The following CCNJL variants were observed in gnomAD, a reference collection of about 807,000 sequenced individuals.
CCNJL encodes the protein cyclin-J-like protein.
CCNJL carries 33 observed loss-of-function variants against 33.4 expected under a neutral mutation model. That is an observed-to-expected ratio of 0.99 (90% CI 0.75 to 1.32). The LOEUF (loss-of-function observed/expected upper bound fraction) is 1.32. Ranked by LOEUF, CCNJL falls within the 40% of genes most tolerant of loss-of-function variation. CCNJL has a pLI of 0.00. For synonymous variants in CCNJL, 227 were observed against 220.9 expected, an observed-to-expected ratio of 1.03 and a Z score of -0.24; for missense variants, 512 against 499.7, an observed-to-expected ratio of 1.02 and a Z score of -0.23.
In CCNJL at chr5:160,277,744, G is replaced by GTTT. The variant is rs57967385; in HGVS notation, c.280+2778_280+2780dup. On this transcript the variant is annotated intron_variant, in intron 3 of 5. Coordinates refer to ENST00000257536, the MANE Select transcript of CCNJL (RefSeq NM_001308173.3). The stretch of plus-strand genomic sequence containing the variant: ...TCCCATCTCTGCTTCCTGTCTATCT[G>GTTT]TTTTTTTTTTTTTTTTTTGAGATGG... 7.3e-4 allele frequency among the ~76,000 whole-genome samples: 92 copies of GTTT among 125,210 alleles called. 3 individuals carry two copies. Among genetic ancestry groups the GTTT allele is most frequent in the African/African-American group, 2.5e-3 (82 of 32,746 alleles). The allele number at this position is 125,210 out of a possible 152,430, so 82.1% of individuals were successfully genotyped here. A position where few individuals can be genotyped will look rare whatever the true frequency, so the allele number is the denominator to read the frequency against.
intron 3 of CCNJL, among the ~76,000 whole-genome samples, chr5:160,269,965 G>T (rs1191580932): frequency 3.3e-5 from 5 of 152,320 alleles, no homozygotes; most frequent in Admixed American, 1.3e-4. Context: ...CTACCTTATA[G>T]AATTGTTTTG....
intron 1 of CCNJL, among the ~76,000 whole-genome samples, chr5:160,321,092 TTCTCTCTTTCTC>T: frequency 7.5e-6 from 1 of 133,060 alleles, no homozygotes; most frequent in African/African-American, 2.8e-5. Context: ...CTTTCTTTCC[TTCTCTCTTTCTC>T]TCTCTCTCTT....
chr5:160,255,463 T>C (rs1761018545), intron 5 of CCNJL, 86 bp downstream of exon 5: 3 of 1,318,976 alleles, frequency 2.3e-6, no homozygotes, highest in African/African-American at 1.5e-5. Context: ...TTCCAGACTC[T>C]GGAAACTGCC....
At chr5:160,307,986 C>T (rs1763146678) in intron 2 of CCNJL, among the ~76,000 whole-genome samples, 1 of 152,166 alleles carries the variant, frequency 6.6e-6, no homozygotes, top group South Asian at 2.1e-4. Flanking sequence ...TGGTTCCCAG[C>T]CCTCAGTAGA....
In CCNJL at chr5:160,251,086, T is replaced by G. The variant is rs1455864778; in HGVS notation, c.*2292A>C. ...TAGTCTAGATGTTGCTGTCAAGGTA[T>G]TTTTAGATGTGATTAACATTTACAA... On this transcript the variant is annotated 3_prime_UTR_variant, in exon 6 of 6. Transcript: ENST00000257536. 1.3e-5 allele frequency: 2 copies of G among 152,176 alleles called. No individual in the cohort carries two copies. The highest frequency in any genetic ancestry group is 2.9e-5 in the Non-Finnish European group (2 of 68,032). The allele number at this position is 152,176 out of a possible 1,614,324, so 9.4% of individuals were successfully genotyped here. A position where few individuals can be genotyped will look rare whatever the true frequency, so the allele number is the denominator to read the frequency against.
In CCNJL at chr5:160,250,601, A is replaced by T. The variant is rs1760777459; in HGVS notation, c.*2777T>A. On this transcript the variant is annotated 3_prime_UTR_variant, in exon 6 of 6. Coordinates refer to ENST00000257536, the MANE Select transcript of CCNJL (RefSeq NM_001308173.3). Reference sequence around the variant, plus strand: ...GGGCAAGACAGAAGTCTTGAGTGAGACTCCCTTCAAGGAGGAGTACGAATC... The same window carrying T: ...GGGCAAGACAGAAGTCTTGAGTGAGTCTCCCTTCAAGGAGGAGTACGAATC... 1 of 152,046 alleles carries T rather than the reference A, an allele frequency of 6.6e-6. No homozygotes were observed. The highest frequency in any genetic ancestry group is 6.6e-5 in the Admixed American group (1 of 15,258). 9.4% of individuals were successfully genotyped at this position (152,046 alleles called of 1,614,324 possible).
intron 3 of CCNJL, 99 bp downstream of exon 3, chr5:160,280,426 G>A (rs1373879338): frequency 4.2e-6 from 4 of 960,586 alleles, no homozygotes; most frequent in Non-Finnish European, 6.4e-6. Context: ...TATAAGACGT[G>A]CAAAGATCGT....
At chr5:160,297,087 G>A (rs923303354) in intron 2 of CCNJL, among the ~76,000 whole-genome samples, 2 of 152,192 alleles carry the variant, frequency 1.3e-5, no homozygotes, top group African/African-American at 4.8e-5. Context: ...CCCATTAAAA[G>A]TGGACTATCA....
intron 3 of CCNJL, among the ~76,000 whole-genome samples, chr5:160,267,206 AT>A (rs1321254630): frequency 6.6e-6 from 1 of 152,048 alleles, no homozygotes; most frequent in Non-Finnish European, 1.5e-5. Flanking sequence ...CCACACATCT[AT>A]TTACTGCAGG....
upstream of CCNJL, among the ~76,000 whole-genome samples, chr5:160,315,855 T>C (rs1212798171): frequency 6.6e-6 from 1 of 152,226 alleles, no homozygotes; most frequent in Non-Finnish European, 1.5e-5. Flanking sequence ...TTGTTTTTCA[T>C]AGCAGTATTA....
intron 1 of CCNJL, among the ~76,000 whole-genome samples, chr5:160,318,445 G>T (rs762710620): frequency 1.3e-5 from 2 of 152,260 alleles, no homozygotes; most frequent in Admixed American, 1.3e-4. Context: ...GCTACTGAGG[G>T]TTAAGACTTC....
upstream of CCNJL, among the ~76,000 whole-genome samples, chr5:160,317,127 T>A (rs763655881): frequency 2.0e-5 from 3 of 152,190 alleles, no homozygotes; most frequent in Non-Finnish European, 4.4e-5. Flanking sequence ...CAAAAACCAA[T>A]CCAATGCCTT....
intron 1 of CCNJL, among the ~76,000 whole-genome samples, chr5:160,321,922 G>C (rs1167178158): frequency 2.0e-5 from 3 of 152,200 alleles, no homozygotes; most frequent in African/African-American, 7.2e-5. Context: ...CCTACCAGCA[G>C]GTAACCACTG....
At chr5:160,266,783 G>A (rs1761613426) in intron 3 of CCNJL, among the ~76,000 whole-genome samples, 1 of 152,166 alleles carries the variant, frequency 6.6e-6, no homozygotes, top group Non-Finnish European at 1.5e-5. Flanking sequence ...AAAAGGGGCT[G>A]AAAAAGGCCC....
At chr5:160,320,914 CCCTT>C (rs1405687571) in intron 1 of CCNJL, among the ~76,000 whole-genome samples, 6 of 142,522 alleles carry the variant, frequency 4.2e-5, no homozygotes, top group African/African-American at 7.8e-5. Flanking sequence ...CTCCCTCTGT[CCCTT>C]CCTTCCTTCC....
intron 2 of CCNJL, among the ~76,000 whole-genome samples, chr5:160,305,702 T>C (rs1272340973): frequency 6.6e-6 from 1 of 152,254 alleles, no homozygotes; most frequent in Non-Finnish European, 1.5e-5. Flanking sequence ...ACGTTCAAGC[T>C]TTGATACAAT....
chr5:160,278,429 G>A (rs971369568), intron 3 of CCNJL, among the ~76,000 whole-genome samples: 1 of 152,148 alleles, frequency 6.6e-6, no homozygotes, highest in Non-Finnish European at 1.5e-5. Flanking sequence ...GAGGCAAGGG[G>A]ATCCCCCTTG....
At chr5:160,337,236 G>T (rs530018092) in intron 1 of CCNJL, among the ~76,000 whole-genome samples, 32 of 150,284 alleles carry the variant, frequency 2.1e-4, no homozygotes, top group African/African-American at 7.1e-4. Context: ...GGCTGGTCTT[G>T]AACTCCTGGG....
At chr5:160,309,111 T>C (rs114164298) in intron 2 of CCNJL, among the ~76,000 whole-genome samples, 63 of 152,356 alleles carry the variant, frequency 4.1e-4, no homozygotes, top group Non-Finnish European at 8.5e-4. Context: ...CTGGGAATTT[T>C]AAGTGCAGTG....
Sources: allele counts gnomAD v4.1 joint callset (sites outside exome capture counted in the v4.1 genomes callset), GRCh38; gene constraint gnomAD v4.1.1; transcripts MANE v1.5; gene names NCBI Gene and HGNC (gene_info 2026-07-23, HGNC 2026-07-21).